Variants in RCOR1 observed in about 807,000 individuals in gnomAD.
RCOR1 encodes REST corepressor.
Under a neutral mutation model 64.0 loss-of-function variants are expected in RCOR1, and 12 were observed. The ratio of observed to expected loss-of-function variants is 0.19; its 90% CI spans 0.12 to 0.30. The LOEUF is 0.30. RCOR1 is among the 10% of genes least tolerant of loss of function. The pLI, the probability that RCOR1 is intolerant of heterozygous loss-of-function variation, is 1.00. For synonymous variants in RCOR1, 279 were observed against 227.2 expected (o/e 1.23, Z -2.05); for missense variants, 502 against 621.2 (o/e 0.81, Z 2.04).
chr14:102,619,473 CTTTTTTTTTTTTTTT>C (rs35488660), intron 2 of RCOR1, among the ~76,000 whole-genome samples: 1 of 131,184 alleles, frequency 7.6e-6, no homozygotes, highest in Admixed American at 7.9e-5. Context: ...TCTATCTAAT[CTTTTTTTTTTTTTTT>C]TTTTTTTTTG....
At chr14:102,661,584 G>A (rs186324878) in intron 2 of RCOR1, among the ~76,000 whole-genome samples, 2 of 152,278 alleles carry the variant, frequency 1.3e-5, no homozygotes. Flanking sequence ...TTCAGGAAAA[G>A]CAATGGGGGA....
At chr14:102,648,470 T>C (rs977731784) in intron 2 of RCOR1, among the ~76,000 whole-genome samples, 20 of 152,234 alleles carry the variant, frequency 1.3e-4, no homozygotes, top group Admixed American at 3.9e-4. Flanking sequence ...GTCAACTGTT[T>C]GTCTAAGGAG....
At chr14:102,695,690 C>A (rs531136995) in intron 3 of RCOR1, among the ~76,000 whole-genome samples, 2 of 151,498 alleles carry the variant, frequency 1.3e-5, no homozygotes, top group Non-Finnish European at 2.9e-5. Context: ...AGATTACAGG[C>A]ATGAGCCACC....
chr14:102,632,773 TCC>T (rs1567415381), intron 2 of RCOR1, among the ~76,000 whole-genome samples: 1 of 67,370 alleles, frequency 1.5e-5, no homozygotes, highest in Non-Finnish European at 2.7e-5. Flanking sequence ...CCCTCCCCTC[TCC>T]TCCCCTCTCC....
chr14:102,687,216 A>G (rs569392405), intron 3 of RCOR1, among the ~76,000 whole-genome samples: 1 of 152,324 alleles, frequency 6.6e-6, no homozygotes. Context: ...ATGTGAGCAA[A>G]TAATTTATGT....
chr14:102,668,437 G>A (rs1186225988), intron 2 of RCOR1, among the ~76,000 whole-genome samples: 3 of 152,154 alleles, frequency 2.0e-5, no homozygotes, highest in Admixed American at 2.0e-4. Flanking sequence ...TTGTTACCAA[G>A]CAATTAACAA....
chr14:102,657,423 G>C lies in RCOR1; in HGVS notation c.362-24472G>C, dbSNP rs982462699. 7 of 985,056 alleles carry C rather than the reference G, an allele frequency of 7.1e-6. No homozygotes were observed. The Admixed American group carries it at 2.5e-4, about 35-fold the overall frequency. The allele number at this position is 985,056 out of a possible 1,614,324, so 61.0% of individuals were successfully genotyped here. ...TCTTAACTTTTCTGATGATGTTTTT[G>C]TTGCTTAAGTTAAGACTAATATAAC... On this transcript the variant is annotated intron_variant, in intron 2 of 11. Transcript: ENST00000262241.
chr14:102,702,740 C>G (rs986313154), intron 4 of RCOR1, among the ~76,000 whole-genome samples: 5 of 152,052 alleles, frequency 3.3e-5, no homozygotes, highest in African/African-American at 1.2e-4. Context: ...AAAAACATAG[C>G]AAACCCTGAG....
At chr14:102,662,065 G>A (rs907306512) in intron 2 of RCOR1, among the ~76,000 whole-genome samples, 3 of 152,114 alleles carry the variant, frequency 2.0e-5, no homozygotes, top group Non-Finnish European at 4.4e-5. Flanking sequence ...CTGCCTATGA[G>A]TTGTTATAGA....
intron 2 of RCOR1, among the ~76,000 whole-genome samples, chr14:102,628,974 T>C (rs1281609799): frequency 6.7e-6 from 1 of 148,742 alleles, no homozygotes; most frequent in Non-Finnish European, 1.5e-5. Flanking sequence ...CACTGCAAAC[T>C]CCACCTCCTG....
At chr14:102,634,383 A>G (rs1894188657) in intron 2 of RCOR1, among the ~76,000 whole-genome samples, 1 of 151,858 alleles carries the variant, frequency 6.6e-6, no homozygotes, top group South Asian at 2.1e-4. Flanking sequence ...TCAAAAACCA[A>G]CCAACCAACC....
At chr14:102,634,011 G>A (rs1190343) in intron 2 of RCOR1, among the ~76,000 whole-genome samples, 95,341 of 152,030 alleles carry the variant, frequency 0.63, 31,017 homozygotes, top group South Asian at 0.72. Flanking sequence ...TGTACTCCAC[G>A]TAATTGTGCC....
intron 3 of RCOR1, among the ~76,000 whole-genome samples, chr14:102,687,467 A>C (rs1026528383): frequency 6.6e-6 from 1 of 152,240 alleles, no homozygotes; most frequent in Non-Finnish European, 1.5e-5. Context: ...GTGTCTAAGT[A>C]AAACCCATTT....
chr14:102,695,112 C>A (rs528221599), intron 3 of RCOR1, among the ~76,000 whole-genome samples: 1 of 152,278 alleles, frequency 6.6e-6, no homozygotes, highest in Non-Finnish European at 1.5e-5. Context: ...TGGCAATTTT[C>A]ATCTGCATTT....
intron 7 of RCOR1, 70 bp downstream of exon 7, chr14:102,711,083 G>C (rs3783383): frequency 0.36 from 370,051 of 1,016,232 alleles, 72,896 homozygotes; most frequent in African/African-American, 0.71. Flanking sequence ...AAACATTCAT[G>C]TTGCTTGTTC....
chr14:102,694,790 G>T, intron 3 of RCOR1, among the ~76,000 whole-genome samples: 1 of 152,150 alleles, frequency 6.6e-6, no homozygotes, highest in East Asian at 1.9e-4. Flanking sequence ...TCTCAGCGAG[G>T]TGTGATAACT....
intron 2 of RCOR1, among the ~76,000 whole-genome samples, chr14:102,610,594 G>A (rs1436752910): frequency 1.1e-4 from 16 of 152,008 alleles, no homozygotes; most frequent in Middle Eastern, 6.8e-3. Context: ...ACAGAGTGTC[G>A]CTCTGTTCCC....
At chr14:102,608,314 A>G (rs998567775) in intron 2 of RCOR1, among the ~76,000 whole-genome samples, 1 of 152,094 alleles carries the variant, frequency 6.6e-6, no homozygotes, top group African/African-American at 2.4e-5. Flanking sequence ...TGTGACCTTC[A>G]TGTCTGGCTT....
chr14:102,724,582 C>T (rs552368540), intron 11 of RCOR1, among the ~76,000 whole-genome samples: 1 of 152,196 alleles, frequency 6.6e-6, no homozygotes, highest in South Asian at 2.1e-4. Context: ...ATCCGCTCGC[C>T]TCTGCCTCCC....
Sources: allele counts gnomAD v4.1 joint callset (sites outside exome capture counted in the v4.1 genomes callset), GRCh38; gene constraint gnomAD v4.1.1; transcripts MANE v1.5; gene names NCBI Gene and HGNC (gene_info 2026-07-23, HGNC 2026-07-21).